The following RANBP2 variants were observed in gnomAD, a reference collection of about 807,000 sequenced individuals.
RANBP2 encodes the protein RAN binding protein 2, also known as E3 SUMO-protein ligase RanBP2.
Under a neutral mutation model 303.6 loss-of-function variants are expected in RANBP2, and 57 were observed. The ratio of observed to expected loss-of-function variants is 0.19; its 90% CI spans 0.15 to 0.23. RANBP2 has a LOEUF of 0.23. Among genes scored for constraint, RANBP2 ranks in the 10% least tolerant of loss-of-function variants. RANBP2 has a pLI of 1.00. For synonymous variants in RANBP2, 1,167 were observed against 1,301.5 expected, an observed-to-expected ratio of 0.90 and a Z score of 2.23; for missense variants, 3,138 against 3,780.8, an observed-to-expected ratio of 0.83 and a Z score of 4.46.
the RANBP2 span, among the ~76,000 whole-genome samples, chr2:109,625,538 T>A: frequency 6.7e-6 from 1 of 149,364 alleles, no homozygotes; most frequent in Admixed American, 6.7e-5. Flanking sequence ...TGGTGGCACG[T>A]GCCTGTAGTC....
At chr2:109,348,102 T>C in the RANBP2 span, among the ~76,000 whole-genome samples, 1 of 152,166 alleles carries the variant, frequency 6.6e-6, no homozygotes, top group Non-Finnish European at 1.5e-5. Flanking sequence ...CCAGCCTCCC[T>C]CCCTGTGCTT....
the RANBP2 span, among the ~76,000 whole-genome samples, chr2:109,267,687 TG>T: frequency 6.6e-6 from 1 of 152,204 alleles, no homozygotes; most frequent in African/African-American, 2.4e-5. Context: ...GCCCCACCCG[TG>T]ATCCCCTTTC....
Position 108,765,703 on chromosome 2 carries a change from A to C in RANBP2, c.5164A>C (p.Thr1722Pro), listed in dbSNP as rs745533164. Residue 1722 changes from threonine to proline, a missense_variant, in exon 20 of 29, where the codon ACT (threonine) becomes CCT (proline). Thr to Pro is a conservative substitution (Grantham distance 38). Around this residue, in one of 20 missense-constraint regions of RANBP2, gnomAD observed 51 missense variants for 112.1 expected, o/e 0.45. Coordinates refer to ENST00000283195, the MANE Select transcript of RANBP2 (RefSeq NM_006267.5). The stretch of plus-strand genomic sequence containing the variant: ...AAAGAGCGGATTTGAGGGAATGTTC[A>C]CTAAGAAGGAAGGACAGTGGGATTG... Reference protein sequence around the residue: ...APKSGFEGMFTKKEGQWDCSV... With the variant: ...APKSGFEGMFPKKEGQWDCSV... The C allele has an allele frequency of 1.2e-5, 20 of 1,612,714 alleles. No homozygotes were observed. The highest frequency in any genetic ancestry group is 1.7e-5 in the Admixed American group (1 of 59,890).
the RANBP2 span, among the ~76,000 whole-genome samples, chr2:109,220,408 A>C: frequency 7.1e-4 from 108 of 152,358 alleles, no homozygotes; most frequent in African/African-American, 2.5e-3. Flanking sequence ...AGGCAATACA[A>C]GAAAAAAATA....
the RANBP2 span, among the ~76,000 whole-genome samples, chr2:109,235,182 AG>A: frequency 6.6e-6 from 1 of 152,158 alleles, no homozygotes; most frequent in Non-Finnish European, 1.5e-5. Flanking sequence ...TCAGAGCGGG[AG>A]GAACCTGTCT....
chr2:108,929,083 G>C, the RANBP2 span: 1 of 1,228,960 alleles, frequency 8.1e-7, no homozygotes, highest in South Asian at 1.3e-5. Flanking sequence ...CCAGGTGTGC[G>C]GCTGCACCGA....
chr2:109,472,075 C>A, the RANBP2 span, among the ~76,000 whole-genome samples: 3 of 152,226 alleles, frequency 2.0e-5, no homozygotes, highest in Admixed American at 1.3e-4. Context: ...CTTTCAAATT[C>A]CCATCCTTTT....
chr2:108,812,968 G>A, the RANBP2 span: 3,983 of 1,574,204 alleles, frequency 2.5e-3, 83 homozygotes, highest in African/African-American at 0.048. Context: ...AAAATTTCTC[G>A]GCTGGGTACG....
chr2:108,971,850 A>G, the RANBP2 span, among the ~76,000 whole-genome samples: 2 of 152,216 alleles, frequency 1.3e-5, no homozygotes, highest in Non-Finnish European at 1.5e-5. Context: ...GCCAACAGAA[A>G]AAAGGGCAGA....
the RANBP2 span, among the ~76,000 whole-genome samples, chr2:109,626,139 G>T: frequency 2.0e-5 from 3 of 152,140 alleles, no homozygotes; most frequent in Non-Finnish European, 4.4e-5. Flanking sequence ...CTATTTTGTT[G>T]TTTCTTGAAC....
chr2:109,157,277 C>T, the RANBP2 span, among the ~76,000 whole-genome samples: 49 of 152,306 alleles, frequency 3.2e-4, no homozygotes, highest in Non-Finnish European at 5.3e-4. Context: ...GCAGAGAGCC[C>T]GCATTCCTGT....
At chr2:109,160,780 C>A in the RANBP2 span, among the ~76,000 whole-genome samples, 1 of 152,144 alleles carries the variant, frequency 6.6e-6, no homozygotes, top group Admixed American at 6.5e-5. Flanking sequence ...ATGTGAACAT[C>A]CCCAGGGGCT....
At chr2:108,816,837 G>C in the RANBP2 span, among the ~76,000 whole-genome samples, 1 of 152,054 alleles carries the variant, frequency 6.6e-6, no homozygotes, top group Admixed American at 6.5e-5. Context: ...GGGTCTACAG[G>C]TATACACCAC....
chr2:109,675,493 C>A, the RANBP2 span, among the ~76,000 whole-genome samples: 1 of 151,956 alleles, frequency 6.6e-6, no homozygotes, highest in African/African-American at 2.4e-5. Flanking sequence ...ACCAGCCTGG[C>A]CAACATAGTG....
the RANBP2 span, among the ~76,000 whole-genome samples, chr2:109,064,746 T>G: frequency 6.6e-6 from 1 of 152,200 alleles, no homozygotes; most frequent in East Asian, 1.9e-4. Flanking sequence ...GTGGGTTGTA[T>G]TTGATGGATA....
the RANBP2 span, among the ~76,000 whole-genome samples, chr2:109,382,614 G>C: frequency 6.6e-6 from 1 of 152,106 alleles, no homozygotes; most frequent in Non-Finnish European, 1.5e-5. Context: ...ACCTTCCTTT[G>C]GAACACCGAG....
the RANBP2 span, among the ~76,000 whole-genome samples, chr2:108,814,630 G>T: frequency 7.3e-5 from 11 of 150,204 alleles, no homozygotes; most frequent in East Asian, 1.9e-3. Flanking sequence ...CTCTGTCTTT[G>T]AATTTTTTTG....
At chr2:109,455,348 A>G in the RANBP2 span, among the ~76,000 whole-genome samples, 1 of 152,194 alleles carries the variant, frequency 6.6e-6, no homozygotes, top group Non-Finnish European at 1.5e-5. Context: ...ATCACTTACC[A>G]GTCCATGTGG....
the RANBP2 span, among the ~76,000 whole-genome samples, chr2:109,698,523 T>C: frequency 1.3e-5 from 2 of 152,070 alleles, no homozygotes; most frequent in Admixed American, 1.3e-4. Context: ...TTTCTACTTA[T>C]AATGTTTTTC....
Sources: gnomAD v4.1 joint callset for allele counts (sites outside exome capture counted in the v4.1 genomes callset) on GRCh38, gnomAD v4.1.1 for gene constraint, gnomAD v4.1.1 regional missense constraint, MANE v1.5 for transcripts, NCBI Gene and HGNC (gene_info 2026-07-23, HGNC 2026-07-21) for gene names.